GALNT18: variants seen among roughly 807,000 people sequenced by gnomAD.
GALNT18 encodes polypeptide N-acetylgalactosaminyltransferase 18.
Under a neutral mutation model 69.5 loss-of-function variants are expected in GALNT18, and 44 were observed. The ratio of observed to expected loss-of-function variants is 0.63; its 90% CI spans 0.50 to 0.81. The LOEUF is 0.81. Ranked by LOEUF, GALNT18 falls within the 40% of genes least tolerant of loss-of-function variation. GALNT18 has a pLI of 0.00. For synonymous variants in GALNT18, 364 were observed against 318.2 expected, an observed-to-expected ratio of 1.14 and a Z score of -1.53; for missense variants, 715 against 810.0, an observed-to-expected ratio of 0.88 and a Z score of 1.42.
chr11:11,535,359 C>G lies in GALNT18; in HGVS notation c.235+86000G>C, dbSNP rs147968800. Among the ~76,000 whole-genome samples, 283 of 152,344 alleles carry G rather than the reference C, an allele frequency of 1.9e-3. 2 individuals are homozygous for G. The highest frequency in any genetic ancestry group is 6.5e-3 in the African/African-American group (271 of 41,570). ...TAACTTAGATGAGCCTCAGTTTACACAGTAACATGGTGATAACATTTTCTG... is the reference window on the plus strand; with the variant it reads ...TAACTTAGATGAGCCTCAGTTTACAGAGTAACATGGTGATAACATTTTCTG... On this transcript the variant is annotated intron_variant, in intron 1 of 10. Transcript: ENST00000227756.
At chr11:11,428,725 A>G (rs1211815799) in intron 3 of GALNT18, among the ~76,000 whole-genome samples, 4 of 152,222 alleles carry the variant, frequency 2.6e-5, no homozygotes, top group African/African-American at 9.6e-5. Context: ...AGTGATTCTA[A>G]TATGCACTCA....
intron 3 of GALNT18, among the ~76,000 whole-genome samples, chr11:11,385,444 C>T (rs944661506): frequency 8.5e-5 from 13 of 152,106 alleles, no homozygotes; most frequent in East Asian, 1.9e-4. Context: ...TACAGGCGCT[C>T]GCCACCACAT....
rs149136184 is a variant in GALNT18 at position 11,516,818 on chromosome 11, A to G, written c.236-67882T>C. On this transcript the variant is annotated intron_variant, in intron 1 of 10. Transcript: ENST00000227756. The stretch of plus-strand genomic sequence containing the variant: ...TTCCCACTCCTATTAGGACATATGG[A>G]TGTGCTAAAGCTAAGGGGTAAATCA... Among the ~76,000 whole-genome samples, 433 of 152,302 alleles carry G rather than the reference A, an allele frequency of 2.8e-3. 3 individuals are homozygous for G. Among genetic ancestry groups the G allele is most frequent in the African/African-American group, 9.3e-3 (386 of 41,556 alleles).
At chr11:11,548,434 C>A (rs986152266) in intron 1 of GALNT18, among the ~76,000 whole-genome samples, 3 of 152,188 alleles carry the variant, frequency 2.0e-5, no homozygotes, top group African/African-American at 7.2e-5. Context: ...CAAAACTGCT[C>A]CATCCAACAC....
In GALNT18 at chr11:11,543,574, T is replaced by G. The variant is rs1857974772; in HGVS notation, c.235+77785A>C. On this transcript the variant is annotated intron_variant, in intron 1 of 10. Transcript: ENST00000227756. The surrounding 1 kb of genome is among the most constrained non-coding windows in gnomAD (Gnocchi z 5.1). ...CCCACAGCATGCCAGGGGCCAGGGG[T>G]GTGGGGAAGGGCAGGGCTGCATGGA... Among the ~76,000 whole-genome samples, 1 of 151,816 alleles carries G rather than the reference T, an allele frequency of 6.6e-6. No homozygotes were observed. Among genetic ancestry groups the G allele is most frequent in the Admixed American group, 6.6e-5 (1 of 15,256 alleles).
chr11:11,352,922 A>G lies in GALNT18; in HGVS notation c.1093-11918T>C, dbSNP rs776047569. On this transcript the variant is annotated intron_variant, in intron 6 of 10. Transcript: ENST00000227756. ...TTTTTACTGGCTTGAGAATTTTAAC[A>G]ACAACTTTTTCATTATTTGTGATGT... 15 of 1,613,678 alleles carry G rather than the reference A, an allele frequency of 9.3e-6. No homozygotes were observed. The South Asian group carries it at 1.6e-4, about 18-fold the overall frequency.
At chr11:11,467,563 G>T (rs552842837) in intron 1 of GALNT18, among the ~76,000 whole-genome samples, 1 of 152,298 alleles carries the variant, frequency 6.6e-6, no homozygotes, top group South Asian at 2.1e-4. Context: ...CCAAGGGTTG[G>T]AATCAGCCCA....
At position 11,583,227 on chromosome 11, in the gene GALNT18, C is replaced by T. The variant is rs980561365; in HGVS notation, c.235+38132G>A. ...CAGGGAACACAAAGCCAATTCCACC[C>T]TGGTCTCCTATTTCTGGCAAGACCA... On this transcript the variant is annotated intron_variant, in intron 1 of 10. Coordinates refer to ENST00000227756, the MANE Select transcript of GALNT18 (RefSeq NM_198516.3). The surrounding 1 kb of genome is among the most constrained non-coding windows in gnomAD (Gnocchi z 4.7). Among the ~76,000 whole-genome samples the T allele has an allele frequency of 3.3e-5, 5 of 152,218 alleles. No individual in the cohort carries two copies. Among genetic ancestry groups the T allele is most frequent in the African/African-American group, 1.2e-4 (5 of 41,456 alleles).
intron 9 of GALNT18, among the ~76,000 whole-genome samples, chr11:11,293,501 A>G (rs1849341906): frequency 6.8e-6 from 1 of 148,016 alleles, no homozygotes; most frequent in Non-Finnish European, 1.5e-5. Flanking sequence ...TAACCTTTTA[A>G]ATTTATTTCT....
At chr11:11,306,213 CTGTGTGTGCATGTGTGTGTGTAT>C (rs1447431994) in intron 9 of GALNT18, among the ~76,000 whole-genome samples, 19 of 151,838 alleles carry the variant, frequency 1.3e-4, no homozygotes, top group Admixed American at 1.2e-3. Context: ...GTGTGTGTGT[CTGTGTGTGCATGTGTGTGTGTAT>C]GTGTGTGTGT....
rs74802673 is a variant in GALNT18 at position 11,460,170 on chromosome 11, T to C, written c.236-11234A>G. On this transcript the variant is annotated intron_variant, in intron 1 of 10. Coordinates refer to ENST00000227756, the MANE Select transcript of GALNT18 (RefSeq NM_198516.3). ...CTGAATTCACAACCTTAATTCCCTA[T>C]GCAACCTTAGTTCCCTTTTGCCATG... 5.3e-3 allele frequency among the ~76,000 whole-genome samples: 814 copies of C among 152,314 alleles called. 8 individuals are homozygous for C. Among genetic ancestry groups the C allele is most frequent in the African/African-American group, 0.019 (771 of 41,572 alleles).
intron 9 of GALNT18, among the ~76,000 whole-genome samples, chr11:11,295,517 C>T (rs548062369): frequency 6.6e-6 from 1 of 152,172 alleles, no homozygotes; most frequent in South Asian, 2.1e-4. Flanking sequence ...TGAATAAACA[C>T]CCCAAGTTCA....
In GALNT18 at chr11:11,318,334, C is replaced by T. The variant is rs1849790370; in HGVS notation, c.1512+8752G>A. 6.6e-6 allele frequency among the ~76,000 whole-genome samples: 1 copy of T among 152,160 alleles called. No individual in the cohort carries two copies. The highest frequency in any genetic ancestry group is 2.4e-5 in the African/African-American group (1 of 41,440). ...ATAATTAAATTTGCATGAGGTCACA[C>T]AGAAGTAGAATGGACCCTTAATCCA... is the stretch of plus-strand genomic sequence containing the variant. On this transcript the variant is annotated intron_variant, in intron 9 of 10. Transcript: ENST00000227756. This position sits in a 1 kb window ranked among gnomAD's most constrained non-coding sequence, Gnocchi z 5.1.
At chr11:11,294,498 CAAGA>C (rs1315334289) in intron 9 of GALNT18, among the ~76,000 whole-genome samples, 2 of 151,800 alleles carry the variant, frequency 1.3e-5, no homozygotes, top group African/African-American at 2.4e-5. Flanking sequence ...ACCTCATAAG[CAAGA>C]CTTTCAAAGG....
intron 10 of GALNT18, among the ~76,000 whole-genome samples, chr11:11,285,508 C>G (rs1645717026): frequency 6.6e-6 from 1 of 152,148 alleles, no homozygotes; most frequent in Admixed American, 6.5e-5. Context: ...TCCCTGATAT[C>G]TGTGGGATGA....
chr11:11,464,145 C>G (rs1322187557), intron 1 of GALNT18, among the ~76,000 whole-genome samples: 1 of 152,228 alleles, frequency 6.6e-6, no homozygotes, highest in Non-Finnish European at 1.5e-5. Context: ...ACTGATAGCT[C>G]CTGTACAAGG....
In GALNT18 at chr11:11,605,162, T is replaced by C. The variant is rs1466105256; in HGVS notation, c.235+16197A>G. Among the ~76,000 whole-genome samples the C allele has an allele frequency of 6.6e-6, 1 of 152,158 alleles. No homozygotes were observed. Among genetic ancestry groups the C allele is most frequent in the African/African-American group, 2.4e-5 (1 of 41,430 alleles). On this transcript the variant is annotated intron_variant, in intron 1 of 10. Coordinates refer to ENST00000227756, the MANE Select transcript of GALNT18 (RefSeq NM_198516.3). This position sits in a 1 kb window ranked among gnomAD's most constrained non-coding sequence, Gnocchi z 4.7. Reference sequence around the variant, plus strand: ...AGTCTGAGGAGGAACTTTTACTGTGTCCGTTTCCTGTCTGGGGAAAGTGGA... The same window carrying C: ...AGTCTGAGGAGGAACTTTTACTGTGCCCGTTTCCTGTCTGGGGAAAGTGGA...
chr11:11,560,159 T>TAGGATGGAATAGAATGAGATAC (rs147089687), intron 1 of GALNT18, among the ~76,000 whole-genome samples: 6 of 2,862 alleles, frequency 2.1e-3, no homozygotes, highest in Admixed American at 4.1e-3. Flanking sequence ...TATGATGGGA[T>TAGGATGGAATAGAATGAGATAC]GTATGGGATG....
chr11:11,432,642 C>A lies in GALNT18; in HGVS notation c.574G>T (p.Val192Leu). 1 of 1,609,982 alleles carries A rather than the reference C, an allele frequency of 6.2e-7. No homozygotes were observed. The highest frequency in any genetic ancestry group is 2.2e-5 in the East Asian group (1 of 44,772). ...PPHLLKEIILVDDNSSNEELK... is the reference protein window; with the variant it reads ...PPHLLKEIILLDDNSSNEELK... Reference sequence around the variant, plus strand: ...TCACCGTTACTGCTGTTGTCATCCACCAGAATGATCTCCTTGAGCAGATGT... The same window carrying A: ...TCACCGTTACTGCTGTTGTCATCCAACAGAATGATCTCCTTGAGCAGATGT... The change falls in exon 3 of 11, where the codon GTG becomes TTG. Residue 192 changes from valine to leucine, a missense_variant. Transcript: ENST00000227756. This position sits in a 1 kb window ranked among gnomAD's most constrained non-coding sequence, Gnocchi z 5.8.
Sources: allele counts gnomAD v4.1 joint callset (sites outside exome capture counted in the v4.1 genomes callset), GRCh38; gene constraint gnomAD v4.1.1; non-coding constraint Gnocchi (gnomAD v3.1); transcripts MANE v1.5; gene names NCBI Gene and HGNC (gene_info 2026-07-23, HGNC 2026-07-21).